The following PPARGC1A variants were observed in gnomAD, a reference collection of about 807,000 sequenced individuals.
PPARGC1A encodes peroxisome proliferator-activated receptor gamma coactivator 1-alpha.
A neutral mutation model predicts 88.7 loss-of-function variants in PPARGC1A; 25 were observed. That is an observed-to-expected ratio of 0.28 (90% confidence interval 0.21 to 0.39). The LOEUF (loss-of-function observed/expected upper bound fraction) is 0.39, where lower values mean the gene tolerates loss of function less well. Ranked by LOEUF, PPARGC1A falls within the 10% of genes least tolerant of loss-of-function variation. The pLI is 1.00. For missense variants in PPARGC1A, 880 were observed against 968.7 expected (o/e 0.91, Z 1.22); for synonymous variants, 363 against 355.6 (o/e 1.02, Z -0.24).
chr4:24,267,301 T>C, the PPARGC1A span, among the ~76,000 whole-genome samples: 1 of 152,164 alleles, frequency 6.6e-6, no homozygotes, highest in Admixed American at 6.5e-5. Context: ...GGATGGTTAT[T>C]TCGGTACAAT....
chr4:24,355,108 CACG>C, the PPARGC1A span, among the ~76,000 whole-genome samples: 1 of 152,174 alleles, frequency 6.6e-6, no homozygotes, highest in Middle Eastern at 3.2e-3. Flanking sequence ...CTATGTTTGT[CACG>C]ACATTATCTC....
the PPARGC1A span, among the ~76,000 whole-genome samples, chr4:24,284,708 T>G: frequency 6.6e-6 from 1 of 152,152 alleles, no homozygotes; most frequent in Non-Finnish European, 1.5e-5. Context: ...AAGCAGGATG[T>G]AAAAGAAGAG....
chr4:24,401,254 A>G, the PPARGC1A span, among the ~76,000 whole-genome samples: 1 of 151,850 alleles, frequency 6.6e-6, no homozygotes, highest in Non-Finnish European at 1.5e-5. Context: ...TCCTGACCTC[A>G]TGATCTGCCT....
At chr4:24,116,977 T>TAA in the PPARGC1A span, among the ~76,000 whole-genome samples, 2 of 151,042 alleles carry the variant, frequency 1.3e-5, no homozygotes, top group Non-Finnish European at 2.9e-5. Context: ...TCACAAAGTT[T>TAA]AAAAACAAAA....
chr4:24,432,518 C>A, the PPARGC1A span, among the ~76,000 whole-genome samples: 10 of 152,280 alleles, frequency 6.6e-5, no homozygotes, highest in African/African-American at 2.2e-4. Context: ...CATGGAACTC[C>A]ATTTAGCGAT....
chr4:23,837,743 GTTCCGC>G (rs1484790141), intron 2 of PPARGC1A, among the ~76,000 whole-genome samples: 1 of 152,156 alleles, frequency 6.6e-6, no homozygotes, highest in Non-Finnish European at 1.5e-5. Context: ...TGGATTATTG[GTTCCGC>G]TAGGCCCCAC....
chr4:24,337,556 C>T, the PPARGC1A span, among the ~76,000 whole-genome samples: 1 of 152,016 alleles, frequency 6.6e-6, no homozygotes, highest in South Asian at 2.1e-4. Context: ...CCCTACTGAG[C>T]GTGGGGAGAT....
chr4:24,036,745 T>C, the PPARGC1A span, among the ~76,000 whole-genome samples: 1 of 152,176 alleles, frequency 6.6e-6, no homozygotes, highest in African/African-American at 2.4e-5. Flanking sequence ...GGGTATTGAA[T>C]TGAAAGGGGA....
chr4:24,370,526 C>T, the PPARGC1A span, among the ~76,000 whole-genome samples: 1 of 152,098 alleles, frequency 6.6e-6, no homozygotes, highest in African/African-American at 2.4e-5. Flanking sequence ...TCCCATTCTT[C>T]AGAACAATAC....
chr4:24,350,251 C>T, the PPARGC1A span, among the ~76,000 whole-genome samples: 322 of 152,256 alleles, frequency 2.1e-3, 2 homozygotes, highest in East Asian at 7.7e-4. Context: ...GTGATCTGTC[C>T]GTCTTGGCCT....
the PPARGC1A span, among the ~76,000 whole-genome samples, chr4:24,265,613 G>A: frequency 1.3e-5 from 2 of 152,202 alleles, no homozygotes; most frequent in Middle Eastern, 3.4e-3. Context: ...AAATTCCATA[G>A]GGATGTGTTG....
At chr4:23,829,673 T>C in intron 3 of PPARGC1A, 88 bp from the exon 4 acceptor site, 1 of 1,229,240 alleles carries the variant, frequency 8.1e-7, no homozygotes, top group Non-Finnish European at 1.1e-6. Flanking sequence ...TTAAATGTAA[T>C]TTATTATAAT....
At chr4:24,091,749 G>T in the PPARGC1A span, 1 of 523,318 alleles carries the variant, frequency 1.9e-6, no homozygotes, top group Non-Finnish European at 2.5e-6. Flanking sequence ...TGGCCAAGCT[G>T]AAGGCCAGCT....
At chr4:23,943,113 A>G in the PPARGC1A span, among the ~76,000 whole-genome samples, 5 of 152,162 alleles carry the variant, frequency 3.3e-5, no homozygotes, top group Non-Finnish European at 7.4e-5. Flanking sequence ...CCCAGCAAAT[A>G]CCCACTGAAT....
chr4:24,137,954 C>A, the PPARGC1A span, among the ~76,000 whole-genome samples: 1 of 152,148 alleles, frequency 6.6e-6, no homozygotes, highest in Non-Finnish European at 1.5e-5. Flanking sequence ...CCTCATCTAA[C>A]ATGATCATAA....
the PPARGC1A span, among the ~76,000 whole-genome samples, chr4:24,223,980 G>A: frequency 3.2e-3 from 485 of 152,282 alleles, no homozygotes; most frequent in Middle Eastern, 0.017. Flanking sequence ...AAATAAGATG[G>A]AAGTCAAAAG....
the PPARGC1A span, among the ~76,000 whole-genome samples, chr4:24,321,133 T>C: frequency 6.6e-6 from 1 of 152,188 alleles, no homozygotes; most frequent in Non-Finnish European, 1.5e-5. Context: ...GCTTCCAAAA[T>C]AGAGGTGCCC....
the PPARGC1A span, among the ~76,000 whole-genome samples, chr4:24,407,599 GCT>G: frequency 6.6e-6 from 1 of 152,168 alleles, no homozygotes; most frequent in Non-Finnish European, 1.5e-5. Flanking sequence ...CATTGACCTT[GCT>G]CTCTTTCGCT....
the PPARGC1A span, among the ~76,000 whole-genome samples, chr4:23,971,370 G>A: frequency 6.6e-6 from 1 of 152,118 alleles, no homozygotes; most frequent in African/African-American, 2.4e-5. Flanking sequence ...ACTTTTGCAG[G>A]AAAACCACCT....
Sources: allele counts gnomAD v4.1 joint callset (sites outside exome capture counted in the v4.1 genomes callset), GRCh38; gene constraint gnomAD v4.1.1; transcripts MANE v1.5; gene names NCBI Gene and HGNC (gene_info 2026-07-23, HGNC 2026-07-21).